Variants in B3GLCT observed in about 807,000 individuals in gnomAD.
B3GLCT encodes beta 3-glucosyltransferase, also known as beta-1,3-glucosyltransferase.
In B3GLCT, 65 loss-of-function variants were observed where a neutral mutation model predicts 63.4. The observed-to-expected ratio is 1.03, with a 90% CI of 0.84 to 1.26. B3GLCT has a LOEUF of 1.26. B3GLCT is among the 50% of genes most tolerant of loss of function. The probability of loss-of-function intolerance (pLI) is 0.00; values close to 1 mark genes in which losing one functional copy is unlikely to be tolerated. For synonymous variants in B3GLCT, 233 were observed against 219.2 expected (o/e 1.06, Z -0.55); for missense variants, 577 against 604.8 (o/e 0.95, Z 0.48).
intron 12 of B3GLCT, among the ~76,000 whole-genome samples, chr13:31,314,770 G>A (rs560534867): frequency 3.9e-5 from 6 of 152,270 alleles, no homozygotes; most frequent in African/African-American, 1.4e-4. Flanking sequence ...TTTGAGAGGG[G>A]GCAGGGGTGG....
chr13:31,317,209 A>G (rs1025367481), intron 12 of B3GLCT, among the ~76,000 whole-genome samples: 5 of 152,190 alleles, frequency 3.3e-5, no homozygotes, highest in African/African-American at 9.7e-5. Flanking sequence ...ACTTGAAAAC[A>G]GGACTGGTAG....
intron 2 of B3GLCT, among the ~76,000 whole-genome samples, chr13:31,217,006 T>C (rs1869598321): frequency 6.6e-6 from 1 of 152,140 alleles, no homozygotes; most frequent in South Asian, 2.1e-4. Context: ...TTCTATTTTA[T>C]GTTGTTTGAA....
In B3GLCT at chr13:31,200,011, C is replaced by A; in HGVS notation, c.-74C>A. ...AGCCGCGGCGGCAGGGCGGCGGCGG[C>A]AGCGGCGCAGCTCCGCTCCCCGCGC... On this transcript the variant is annotated 5_prime_UTR_variant, in exon 1 of 15. Coordinates refer to ENST00000343307, the MANE Select transcript of B3GLCT (RefSeq NM_194318.4). The A allele has an allele frequency of 1.1e-6, 1 of 928,518 alleles. No individual in the cohort carries two copies. Among genetic ancestry groups the A allele is most frequent in the South Asian group, 4.9e-5 (1 of 20,618 alleles). The allele number at this position is 928,518 out of a possible 1,614,324, so 57.5% of individuals were successfully genotyped here.
At chr13:31,281,208 T>C (rs1254340171) in intron 10 of B3GLCT, among the ~76,000 whole-genome samples, 1 of 152,204 alleles carries the variant, frequency 6.6e-6, no homozygotes, top group Non-Finnish European at 1.5e-5. Flanking sequence ...AATTGCCGTT[T>C]GCTCAGCCTT....
chr13:31,327,539 A>G (rs1345551378), intron 14 of B3GLCT, among the ~76,000 whole-genome samples: 1 of 152,250 alleles, frequency 6.6e-6, no homozygotes, highest in Non-Finnish European at 1.5e-5. Flanking sequence ...ACTGTGGGAC[A>G]CTGACACTTC....
intron 4 of B3GLCT, 50 bp from the exon 5 acceptor site, chr13:31,246,973 T>TTTTTTG: frequency 8.1e-7 from 1 of 1,235,778 alleles, no homozygotes. Flanking sequence ...TTTTACTTTT[T>TTTTTTG]TTCGGAGTAG....
At position 31,247,893 on chromosome 13, in the gene B3GLCT, T is replaced by C. The variant is rs755612098; in HGVS notation, c.386T>C (p.Phe129Ser). The change falls in exon 6 of 15, where the codon TTC (phenylalanine) becomes TCC (serine). Residue 129 changes from phenylalanine (F) to serine (S), a missense_variant. Phe to Ser is a radical substitution (Grantham distance 155). Coordinates refer to ENST00000343307, the MANE Select transcript of B3GLCT (RefSeq NM_194318.4). ...VTYSRNSSWI[F>S]FCEEETRIQI... ...TATAGCAGAAATTCATCTTGGATTT[T>C]CTTCTGTGAAGAAGAGACAAGAATA... 3 of 1,611,202 alleles carry C rather than the reference T, an allele frequency of 1.9e-6. No homozygotes were observed. The highest frequency in any genetic ancestry group is 1.7e-6 in the Non-Finnish European group (2 of 1,177,602).
At chr13:31,319,175 T>C (rs1875203793) in intron 13 of B3GLCT, among the ~76,000 whole-genome samples, 1 of 152,198 alleles carries the variant, frequency 6.6e-6, no homozygotes, top group South Asian at 2.1e-4. Flanking sequence ...CCCCCTTCCC[T>C]TGCCCCTGGC....
At chr13:31,212,616 C>T (rs1345193617) in intron 1 of B3GLCT, among the ~76,000 whole-genome samples, 1 of 152,110 alleles carries the variant, frequency 6.6e-6, no homozygotes, top group Admixed American at 6.5e-5. Context: ...CCCTATACTG[C>T]CCAGGCTGGT....
intron 4 of B3GLCT, 56 bp from the exon 5 acceptor site, chr13:31,246,967 A>AT: frequency 1.6e-5 from 12 of 768,390 alleles, no homozygotes; most frequent in South Asian, 5.8e-5. Context: ...TTTTTTTTTT[A>AT]CTTTTTTTCG....
chr13:31,274,542 C>G lies in B3GLCT; in HGVS notation c.694C>G (p.Pro232Ala), dbSNP rs890958730. The change falls in exon 9 of 15, where the codon CCT becomes GCT. Residue 232 changes from proline to alanine, a missense_variant. Physicochemically the swap from Pro to Ala is conservative, Grantham distance 27. Transcript: ENST00000343307. ...CTACATCTGGGACAAAGGCGGAGGA[C>G]CTCCCCTGACCCCAGTGCCTGAGTT... ...ALYIWDKGGG[P>A]PLTPVPEFCT... The G allele has an allele frequency of 6.2e-7, 1 of 1,614,188 alleles. No homozygotes were observed.
chr13:31,266,040 C>T (rs1872287374), intron 7 of B3GLCT, among the ~76,000 whole-genome samples: 1 of 151,990 alleles, frequency 6.6e-6, no homozygotes, highest in East Asian at 1.9e-4. Context: ...CGCTCTGTCG[C>T]CCAGGCTGGA....
chr13:31,234,356 A>C (rs1382236627), intron 4 of B3GLCT, among the ~76,000 whole-genome samples: 2 of 152,150 alleles, frequency 1.3e-5, no homozygotes, highest in African/African-American at 2.4e-5. Flanking sequence ...AAGAGCAGTG[A>C]TAGAAGGGTA....
At chr13:31,231,112 C>T (rs1870359045) in intron 4 of B3GLCT, among the ~76,000 whole-genome samples, 1 of 152,124 alleles carries the variant, frequency 6.6e-6, no homozygotes, top group African/African-American at 2.4e-5. Flanking sequence ...CATGCAGCAA[C>T]CTTGACTGGC....
At position 31,331,530 on chromosome 13, in the gene B3GLCT, A is replaced by T. The variant is rs1252694699; in HGVS notation, c.*1862A>T. The T allele has an allele frequency of 7.5e-6, 1 of 133,744 alleles. No individual in the cohort carries two copies. Among genetic ancestry groups the T allele is most frequent in the African/African-American group, 2.9e-5 (1 of 34,584 alleles). 8.3% of individuals were successfully genotyped at this position (133,744 alleles called of 1,614,324 possible). A position where few individuals can be genotyped will look rare whatever the true frequency, so the allele number is the denominator to read the frequency against. On this transcript the variant is annotated 3_prime_UTR_variant, in exon 15 of 15. Transcript: ENST00000343307. ...TAAAAGATCTTTGCCTAAGTTTTTG[A>T]TTTCTCAAATATTGTGTTCATTAGT...
At chr13:31,316,478 G>A (rs1439999175) in intron 12 of B3GLCT, among the ~76,000 whole-genome samples, 1 of 132,524 alleles carries the variant, frequency 7.5e-6, no homozygotes, top group Non-Finnish European at 1.6e-5. Flanking sequence ...ACCCAGGCTG[G>A]AGTGCAATGG....
At chr13:31,219,205 G>A (rs1270300141) in intron 2 of B3GLCT, among the ~76,000 whole-genome samples, 1 of 152,092 alleles carries the variant, frequency 6.6e-6, no homozygotes, top group Non-Finnish European at 1.5e-5. Context: ...CAACAAAAAC[G>A]CTAGCAAACC....
chr13:31,212,158 T>C (rs1869296303), intron 1 of B3GLCT, among the ~76,000 whole-genome samples: 1 of 151,852 alleles, frequency 6.6e-6, no homozygotes, highest in African/African-American at 2.4e-5. Context: ...GGCTGGAATA[T>C]AGTGGCATGA....
At chr13:31,282,895 C>G (rs2036883954) in intron 10 of B3GLCT, among the ~76,000 whole-genome samples, 1 of 152,162 alleles carries the variant, frequency 6.6e-6, no homozygotes, top group Non-Finnish European at 1.5e-5. Context: ...CCTCATTCAA[C>G]TGTTTATTGA....
Sources: gnomAD v4.1 joint callset for allele counts (sites outside exome capture counted in the v4.1 genomes callset) on GRCh38, gnomAD v4.1.1 for gene constraint, MANE v1.5 for transcripts, NCBI Gene and HGNC (gene_info 2026-07-23, HGNC 2026-07-21) for gene names.